Variants in SNTG1 observed in about 807,000 individuals in gnomAD.
SNTG1 encodes gamma-1-syntrophin.
In SNTG1, 39 loss-of-function variants were observed where a neutral mutation model predicts 74.7. The observed-to-expected ratio is 0.52, with a 90% confidence interval of 0.40 to 0.68. SNTG1 has a LOEUF of 0.68. Ranked by LOEUF, SNTG1 falls within the 30% of genes least tolerant of loss-of-function variation. SNTG1 has a pLI of 0.00. For missense variants in SNTG1, 685 were observed against 609.5 expected (o/e 1.12, Z -1.30); for synonymous variants, 254 against 217.1 (o/e 1.17, Z -1.49).
intron 4 of SNTG1, among the ~76,000 whole-genome samples, chr8:50,425,799 G>A (rs1221505127): frequency 1.3e-5 from 2 of 152,132 alleles, no homozygotes; most frequent in Non-Finnish European, 1.5e-5. Flanking sequence ...AAAAATATTG[G>A]AGGGTGACGT....
At chr8:50,722,931 C>T (rs2095491289) in intron 17 of SNTG1, among the ~76,000 whole-genome samples, 1 of 152,264 alleles carries the variant, frequency 6.6e-6, no homozygotes, top group African/African-American at 2.4e-5. Flanking sequence ...CAATAGGTAT[C>T]TTAAATCCAT....
At chr8:50,515,689 A>G (rs571514926) in intron 9 of SNTG1, among the ~76,000 whole-genome samples, 1 of 152,142 alleles carries the variant, frequency 6.6e-6, no homozygotes, top group Non-Finnish European at 1.5e-5. Context: ...GTTGCTGGGA[A>G]CTTCTAACAG....
chr8:50,551,857 A>G (rs111346576), intron 11 of SNTG1, among the ~76,000 whole-genome samples: 345 of 152,306 alleles, frequency 2.3e-3, no homozygotes, highest in Non-Finnish European at 3.4e-3. Context: ...AAAAATATTA[A>G]TAATTTGAAC....
At chr8:50,569,949 C>T (rs1402519338) in intron 12 of SNTG1, among the ~76,000 whole-genome samples, 2 of 152,136 alleles carry the variant, frequency 1.3e-5, no homozygotes, top group African/African-American at 4.8e-5. Context: ...CAAGTTTGGG[C>T]ACTGCACTGC....
intron 2 of SNTG1, among the ~76,000 whole-genome samples, chr8:50,216,896 G>A (rs1330941986): frequency 6.6e-6 from 1 of 151,872 alleles, no homozygotes; most frequent in Admixed American, 6.6e-5. Context: ...TAAGAGGTTT[G>A]TTACATCAGA....
At chr8:50,112,098 AT>A (rs2080616287) in intron 1 of SNTG1, among the ~76,000 whole-genome samples, 1 of 152,124 alleles carries the variant, frequency 6.6e-6, no homozygotes, top group African/African-American at 2.4e-5. Flanking sequence ...AAAACACATG[AT>A]TTTTTTCATC....
chr8:50,782,064 C>A (rs10109572), intron 18 of SNTG1, among the ~76,000 whole-genome samples: 4 of 152,196 alleles, frequency 2.6e-5, no homozygotes, highest in African/African-American at 9.6e-5. Context: ...CAGTTTCTGC[C>A]GAGATATCCA....
chr8:50,772,538 T>C (rs1172007987), intron 18 of SNTG1, among the ~76,000 whole-genome samples: 1 of 152,124 alleles, frequency 6.6e-6, no homozygotes, highest in East Asian at 1.9e-4. Flanking sequence ...AAAAGAGAAT[T>C]TGGACTTTGG....
At chr8:50,648,089 T>C (rs1000535274) in intron 13 of SNTG1, among the ~76,000 whole-genome samples, 1 of 152,162 alleles carries the variant, frequency 6.6e-6, no homozygotes, top group Non-Finnish European at 1.5e-5. Context: ...CTTTTCCTGT[T>C]TGGCATAGTA....
chr8:50,363,666 A>C (rs1481840216), intron 2 of SNTG1, among the ~76,000 whole-genome samples: 1 of 152,156 alleles, frequency 6.6e-6, no homozygotes. Flanking sequence ...GATTGAATAC[A>C]AACACTTTTT....
intron 1 of SNTG1, among the ~76,000 whole-genome samples, chr8:49,928,149 A>AAATG (rs1807207831): frequency 8.2e-6 from 1 of 121,856 alleles, no homozygotes; most frequent in East Asian, 2.6e-4. Flanking sequence ...AAAAAATAAT[A>AAATG]AATAAATAAA....
intron 1 of SNTG1, among the ~76,000 whole-genome samples, chr8:50,069,610 T>C (rs1353459365): frequency 7.6e-6 from 1 of 130,846 alleles, no homozygotes; most frequent in African/African-American, 2.8e-5. Context: ...TTTTTTTTTT[T>C]TTTTTTTTTT....
Position 50,397,438 on chromosome 8 carries a change from T to C in SNTG1, c.27+3173T>C, listed in dbSNP as rs150334354. On this transcript the variant is annotated intron_variant, in intron 3 of 18. Transcript: ENST00000642720. ...GTTTGCAGCACCAACCTGCAGCTGC[T>C]CCCATGATTCGGTCTCTCATTTTTA... Among the ~76,000 whole-genome samples the C allele has an allele frequency of 9.4e-3, 1,425 of 152,284 alleles. 29 individuals are homozygous for C. Among genetic ancestry groups the C allele is most frequent in the African/African-American group, 0.033 (1,351 of 41,558 alleles).
intron 1 of SNTG1, among the ~76,000 whole-genome samples, chr8:49,976,472 G>A (rs963984781): frequency 5.3e-5 from 8 of 152,120 alleles, no homozygotes; most frequent in African/African-American, 1.9e-4. Flanking sequence ...TTTCATTGGA[G>A]TGTTTGTGTT....
intron 1 of SNTG1, among the ~76,000 whole-genome samples, chr8:50,092,967 T>C (rs1373097036): frequency 2.0e-5 from 3 of 152,146 alleles, no homozygotes; most frequent in Non-Finnish European, 4.4e-5. Context: ...GAAAGCACTG[T>C]GGCTGGTGGT....
chr8:50,050,363 T>A (rs1819464555), intron 1 of SNTG1, among the ~76,000 whole-genome samples: 1 of 151,862 alleles, frequency 6.6e-6, no homozygotes, highest in Non-Finnish European at 1.5e-5. Flanking sequence ...AAATGGACCA[T>A]CTTCTTGAAA....
At chr8:50,169,298 T>C (rs112234111) in intron 1 of SNTG1, among the ~76,000 whole-genome samples, 2 of 152,230 alleles carry the variant, frequency 1.3e-5, no homozygotes, top group African/African-American at 4.8e-5. Flanking sequence ...ACATCAATAG[T>C]GTATTTTTAA....
At chr8:50,563,495 T>C (rs951443326) in intron 12 of SNTG1, among the ~76,000 whole-genome samples, 1 of 152,164 alleles carries the variant, frequency 6.6e-6, no homozygotes, top group Non-Finnish European at 1.5e-5. Context: ...CCATGGTAGA[T>C]GTTCCCTGTG....
intron 12 of SNTG1, among the ~76,000 whole-genome samples, chr8:50,572,450 CAG>C (rs2094554599): frequency 2.0e-5 from 3 of 151,966 alleles, no homozygotes; most frequent in Admixed American, 6.6e-5. Flanking sequence ...ATGACTGAGA[CAG>C]ATAAAATTGG....
Sources: gnomAD v4.1 joint callset for allele counts (sites outside exome capture counted in the v4.1 genomes callset) on GRCh38, gnomAD v4.1.1 for gene constraint, MANE v1.5 for transcripts, NCBI Gene and HGNC (gene_info 2026-07-23, HGNC 2026-07-21) for gene names.